Variants in CYB5B observed in about 807,000 individuals in gnomAD.
CYB5B encodes cytochrome b5 type B, also known as cytochrome b5 type B (outer mitochondrial membrane).
A neutral mutation model predicts 21.3 loss-of-function variants in CYB5B; 14 were observed. The ratio of observed to expected loss-of-function variants is 0.66; its 90% confidence interval spans 0.43 to 1.03. CYB5B has a LOEUF of 1.03. Ranked by LOEUF, CYB5B falls within the 50% of genes least tolerant of loss-of-function variation. The pLI, the probability that CYB5B is intolerant of heterozygous loss-of-function variation, is 0.00. For missense variants in CYB5B, 166 were observed against 185.1 expected (o/e 0.90, Z 0.60); for synonymous variants, 69 against 68.4 (o/e 1.01, Z -0.04).
chr16:69,434,788 G>A (rs572744968), intron 1 of CYB5B, among the ~76,000 whole-genome samples: 1 of 151,718 alleles, frequency 6.6e-6, no homozygotes, highest in East Asian at 1.9e-4. Flanking sequence ...GCTTGAACCC[G>A]GGAGGTGGAG....
rs2015079326 is a variant in CYB5B at position 69,465,395 on chromosome 16, G to C, written c.*2875G>C. ...ACCAAAATTCCTCAGCCCCTACTCA[G>C]CAATTGGTTTTGGTTTCCAAATGAC... On this transcript the variant is annotated 3_prime_UTR_variant, in exon 5 of 5. Transcript: ENST00000307892. 6.6e-6 allele frequency: 1 copy of C among 152,174 alleles called. No homozygotes were observed. The highest frequency in any genetic ancestry group is 1.5e-5 in the Non-Finnish European group (1 of 68,038). The allele number at this position is 152,174 out of a possible 1,614,324, so 9.4% of individuals were successfully genotyped here. A position where few individuals can be genotyped will look rare whatever the true frequency, so the allele number is the denominator to read the frequency against.
intron 3 of CYB5B, among the ~76,000 whole-genome samples, chr16:69,452,535 G>T (rs560484706): frequency 2.6e-4 from 40 of 152,092 alleles, no homozygotes; most frequent in African/African-American, 9.6e-4. Flanking sequence ...ACAAAAATTA[G>T]CTGGGAATGG....
chr16:69,432,976 TTA>T (rs1466598929), intron 1 of CYB5B, among the ~76,000 whole-genome samples: 1 of 152,150 alleles, frequency 6.6e-6, no homozygotes, highest in Non-Finnish European at 1.5e-5. Flanking sequence ...TTTTGTAGTT[TTA>T]ATAGAGACGG....
chr16:69,442,689 T>A (rs569574204), intron 1 of CYB5B, among the ~76,000 whole-genome samples: 4 of 152,202 alleles, frequency 2.6e-5, no homozygotes, highest in South Asian at 4.1e-4. Context: ...TTTTAATTTT[T>A]AAAATTTTTT....
intron 3 of CYB5B, among the ~76,000 whole-genome samples, chr16:69,454,957 G>A (rs1024849475): frequency 3.3e-5 from 5 of 152,014 alleles, no homozygotes; most frequent in Non-Finnish European, 7.4e-5. Context: ...GCAGTGGCAC[G>A]ATCTTGGTTC....
intron 4 of CYB5B, 138 bp from the exon 5 acceptor site, chr16:69,462,292 A>G: frequency 1.5e-6 from 1 of 649,118 alleles, no homozygotes; most frequent in South Asian, 1.9e-5. Flanking sequence ...TTCCCCAACT[A>G]CTTTGTGATA....
chr16:69,447,296 T>C lies in CYB5B; in HGVS notation c.303+18T>C. The C allele has an allele frequency of 6.2e-7, 1 of 1,611,304 alleles. No individual in the cohort carries two copies. Among genetic ancestry groups the C allele is most frequent in the Non-Finnish European group, 8.5e-7 (1 of 1,179,116 alleles). ...TCCATCCGGTAAGAACTATCAGAGA[T>C]GGGAGCCCTTATGCAGAGAAAACTA... On this transcript the variant is annotated intron_variant, in intron 2 of 4. Transcript: ENST00000307892.
At chr16:69,458,977 A>C (rs967424513) in intron 3 of CYB5B, 116 bp from the exon 4 acceptor site, 1 of 868,202 alleles carries the variant, frequency 1.2e-6, no homozygotes, top group Admixed American at 3.2e-5. Context: ...TGAAAGATGA[A>C]GTTCTGGTAT....
chr16:69,442,879 G>T (rs2014839208), intron 1 of CYB5B, among the ~76,000 whole-genome samples: 1 of 148,464 alleles, frequency 6.7e-6, no homozygotes, highest in African/African-American at 2.5e-5. Context: ...ACACAAGTTA[G>T]CAGGTTAAGG....
intron 1 of CYB5B, among the ~76,000 whole-genome samples, chr16:69,425,165 C>T (rs2014630473): frequency 6.6e-6 from 1 of 152,208 alleles, no homozygotes; most frequent in African/African-American, 2.4e-5. Context: ...GAAACTGAGG[C>T]TCACAGGTTG....
rs769134677 is a variant in CYB5B, at chr16:69,424,882, T to G, written c.174+25T>G. On this transcript the variant is annotated intron_variant, in intron 1 of 4. Transcript: ENST00000307892. ...GGTGGGGCCTGGGAGGTGGGAGGCC[T>G]CTGAAGCTGCTGGGGCGAGGGGTGA... The G allele has an allele frequency of 2.0e-6, 3 of 1,530,040 alleles. No individual in the cohort carries two copies. The South Asian group carries it at 3.7e-5, about 19-fold the overall frequency. 94.8% of individuals were successfully genotyped at this position (1,530,040 alleles called of 1,614,324 possible). A position where few individuals can be genotyped will look rare whatever the true frequency, so the allele number is the denominator to read the frequency against.
Position 69,448,102 on chromosome 16 carries a change from CT to C in CYB5B, c.304-6del. ...ATGTCTTAAAATATTATTTGTTTTCCTTTTTTTGACAGAGTGACCTTAAACC... is the reference window on the plus strand; with the variant it reads ...ATGTCTTAAAATATTATTTGTTTTCCTTTTTTGACAGAGTGACCTTAAACC... On this transcript the variant is annotated splice_polypyrimidine_tract_variant and intron_variant, in intron 2 of 4. Transcript: ENST00000307892. 3.7e-6 allele frequency: 6 copies of C among 1,608,230 alleles called. No homozygotes were observed. Among genetic ancestry groups the C allele is most frequent in the South Asian group, 3.4e-5 (3 of 89,452 alleles).
At chr16:69,435,441 T>G (rs1159540261) in intron 1 of CYB5B, among the ~76,000 whole-genome samples, 2 of 152,180 alleles carry the variant, frequency 1.3e-5, no homozygotes, top group Non-Finnish European at 2.9e-5. Context: ...AGGGAAGATC[T>G]GTGCCCAAGT....
Position 69,463,224 on chromosome 16 carries a change from C to T in CYB5B, c.*704C>T, listed in dbSNP as rs939853974. 2 of 152,058 alleles carry T rather than the reference C, an allele frequency of 1.3e-5. No individual in the cohort carries two copies. Among genetic ancestry groups the T allele is most frequent in the African/African-American group, 4.8e-5 (2 of 41,390 alleles). The allele number at this position is 152,058 out of a possible 1,614,324, so 9.4% of individuals were successfully genotyped here. A position where few individuals can be genotyped will look rare whatever the true frequency, so the allele number is the denominator to read the frequency against. ...ATAAAAATACAAAGAATGGTGTGGC[C>T]ACCTCCTCCCTTTCAAGCTAGGGCA... On this transcript the variant is annotated 3_prime_UTR_variant, in exon 5 of 5. Transcript: ENST00000307892.
rs191740143 is a variant in CYB5B at position 69,430,122 on chromosome 16, T to C, written c.174+5265T>C. 6.7e-3 allele frequency among the ~76,000 whole-genome samples: 1,022 copies of C among 152,330 alleles called. 7 individuals are homozygous for C. Among genetic ancestry groups the C allele is most frequent in the Non-Finnish European group, 0.011 (747 of 68,030 alleles). On this transcript the variant is annotated intron_variant, in intron 1 of 4. Coordinates refer to ENST00000307892, the MANE Select transcript of CYB5B (RefSeq NM_030579.3). ...GTTTAGAAAAATCACATAAAAATGA[T>C]TGTAATATCTTATGACATTGATAGA...
intron 4 of CYB5B, among the ~76,000 whole-genome samples, chr16:69,461,500 T>G (rs2015035618): frequency 6.6e-6 from 1 of 152,242 alleles, no homozygotes; most frequent in African/African-American, 2.4e-5. Flanking sequence ...ATTTTTCTTA[T>G]GAACTTCAGC....
At chr16:69,454,967 C>G (rs9936535) in intron 3 of CYB5B, among the ~76,000 whole-genome samples, 14,508 of 152,128 alleles carry the variant, frequency 0.095, 762 homozygotes, top group South Asian at 0.19. Context: ...GATCTTGGTT[C>G]ACTGCAACCT....
At chr16:69,425,880 C>G (rs999301787) in intron 1 of CYB5B, among the ~76,000 whole-genome samples, 1 of 152,160 alleles carries the variant, frequency 6.6e-6, no homozygotes, top group Non-Finnish European at 1.5e-5. Flanking sequence ...AAGTTCACTT[C>G]TATTTCTCTG....
chr16:69,433,529 CCCT>C (rs1380893455), intron 1 of CYB5B, among the ~76,000 whole-genome samples: 4 of 152,128 alleles, frequency 2.6e-5, no homozygotes, highest in Non-Finnish European at 5.9e-5. Flanking sequence ...TAACTGGCAT[CCCT>C]CCTCCTCCTT....
Sources: gnomAD v4.1 joint callset for allele counts (sites outside exome capture counted in the v4.1 genomes callset) on GRCh38, gnomAD v4.1.1 for gene constraint, MANE v1.5 for transcripts, NCBI Gene and HGNC (gene_info 2026-07-23, HGNC 2026-07-21) for gene names.